The following PARD3B variants were observed in gnomAD, a reference collection of about 807,000 sequenced individuals.
PARD3B encodes partitioning defective 3 homolog B.
Under a neutral mutation model 130.2 loss-of-function variants are expected in PARD3B, and 103 were observed. The ratio of observed to expected loss-of-function variants is 0.79; its 90% CI spans 0.67 to 0.93. The LOEUF is 0.93. Among genes scored for constraint, PARD3B ranks in the 40% least tolerant of loss-of-function variants. The pLI, the probability that PARD3B is intolerant of heterozygous loss-of-function variation, is 0.00. For synonymous variants in PARD3B, 583 were observed against 553.2 expected (o/e 1.05, Z -0.76); for missense variants, 1,609 against 1,499.2 (o/e 1.07, Z -1.21).
intron 14 of PARD3B, among the ~76,000 whole-genome samples, chr2:205,192,203 G>A (rs954713047): frequency 2.6e-5 from 4 of 152,128 alleles, no homozygotes; most frequent in African/African-American, 4.8e-5. Flanking sequence ...AGATTCTCTT[G>A]TACATTTTAG....
At chr2:205,169,076 C>G (rs2035000096) in intron 11 of PARD3B, among the ~76,000 whole-genome samples, 1 of 152,116 alleles carries the variant, frequency 6.6e-6, no homozygotes, top group Non-Finnish European at 1.5e-5. Flanking sequence ...CTCTAAGGAC[C>G]CTTCCAGCTC....
At chr2:204,597,317 A>T (rs2125101356) in intron 1 of PARD3B, among the ~76,000 whole-genome samples, 1 of 152,172 alleles carries the variant, frequency 6.6e-6, no homozygotes, top group Admixed American at 6.5e-5. Context: ...ATTCTCACAA[A>T]TCCTCACTAA....
chr2:204,779,577 A>G (rs2041765767), intron 2 of PARD3B, among the ~76,000 whole-genome samples: 1 of 152,180 alleles, frequency 6.6e-6, no homozygotes, highest in South Asian at 2.1e-4. Flanking sequence ...GAAACTCTAG[A>G]AAACTGAAGA....
chr2:204,931,097 A>T (rs56674121), intron 2 of PARD3B, among the ~76,000 whole-genome samples: 1 of 152,060 alleles, frequency 6.6e-6, no homozygotes, highest in Non-Finnish European at 1.5e-5. Flanking sequence ...TAGGTTTAAT[A>T]TAGAAAAAAA....
At position 205,615,608 on chromosome 2, in the gene PARD3B, G is replaced by A. The variant is rs201703766; in HGVS notation, c.3413G>A (p.Arg1138Gln). 64 of 1,613,808 alleles carry A rather than the reference G, an allele frequency of 4.0e-5. No individual in the cohort carries two copies. The highest frequency in any genetic ancestry group is 4.5e-5 in the Non-Finnish European group (53 of 1,179,936). Residue 1138 changes from arginine (R) to glutamine (Q), a missense_variant, in exon 23 of 23, where the codon CGG becomes CAG. Transcript: ENST00000406610. ...ACAGAGCTCAGGGTGGCAGATCTCCGGTATCCTCAGCACTACCCACCCCCG... is the reference window on the plus strand; with the variant it reads ...ACAGAGCTCAGGGTGGCAGATCTCCAGTATCCTCAGCACTACCCACCCCCG... ...RPTELRVADLRYPQHYPPPPA... is the reference protein window; with the variant it reads ...RPTELRVADLQYPQHYPPPPA...
At chr2:205,036,295 A>G (rs1212758001) in intron 3 of PARD3B, among the ~76,000 whole-genome samples, 1 of 147,294 alleles carries the variant, frequency 6.8e-6, no homozygotes, top group Non-Finnish European at 1.5e-5. Flanking sequence ...ATAGTGGGCT[A>G]TATATATAAA....
rs1409576740 is a variant in PARD3B, at chr2:205,060,988, T to C, written c.504+13298T>C. Among the ~76,000 whole-genome samples, 4 of 152,172 alleles carry C rather than the reference T, an allele frequency of 2.6e-5. 1 individual carries two copies. Among genetic ancestry groups the C allele is most frequent in the African/African-American group, 4.8e-5 (2 of 41,540 alleles). On this transcript the variant is annotated intron_variant, in intron 4 of 22. Coordinates refer to ENST00000406610, the MANE Select transcript of PARD3B (RefSeq NM_001302769.2). ...GGGAAGCTTCAAGGGACTTTAGTGG[T>C]TGGAGCTTGACCAAATGAAGTTGTG... is the stretch of plus-strand genomic sequence containing the variant.
chr2:205,482,126 A>G (rs1050814891), intron 20 of PARD3B, among the ~76,000 whole-genome samples: 1 of 152,190 alleles, frequency 6.6e-6, no homozygotes, highest in Non-Finnish European at 1.5e-5. Flanking sequence ...AATGCGAGGG[A>G]ATAGGATAAT....
chr2:204,661,852 T>C (rs948278377), intron 1 of PARD3B, among the ~76,000 whole-genome samples: 6 of 151,744 alleles, frequency 4.0e-5, no homozygotes, highest in African/African-American at 1.5e-4. Flanking sequence ...TGGATTCTTA[T>C]ATCTCCTTCT....
At chr2:204,608,200 G>A (rs1038948867) in intron 1 of PARD3B, among the ~76,000 whole-genome samples, 1 of 152,138 alleles carries the variant, frequency 6.6e-6, no homozygotes, top group South Asian at 2.1e-4. Flanking sequence ...ACAGGCTTGT[G>A]GATTTAAAAA....
At chr2:205,362,364 A>G (rs1387143611) in intron 18 of PARD3B, among the ~76,000 whole-genome samples, 1 of 152,200 alleles carries the variant, frequency 6.6e-6, no homozygotes, top group African/African-American at 2.4e-5. Context: ...CATGTTCAAT[A>G]GGTTCTGCAA....
intron 2 of PARD3B, among the ~76,000 whole-genome samples, chr2:204,796,381 C>T (rs996765282): frequency 2.6e-5 from 4 of 152,218 alleles, no homozygotes; most frequent in Non-Finnish European, 4.4e-5. Flanking sequence ...ATTGATCTCA[C>T]TTGGAAAATG....
At chr2:205,086,829 A>C (rs1337380696) in intron 4 of PARD3B, among the ~76,000 whole-genome samples, 1 of 152,252 alleles carries the variant, frequency 6.6e-6, no homozygotes, top group Admixed American at 6.5e-5. Flanking sequence ...ACTCATCTGC[A>C]TATCCAGCCC....
At chr2:205,272,401 C>A (rs1372121256) in intron 16 of PARD3B, among the ~76,000 whole-genome samples, 3 of 152,076 alleles carry the variant, frequency 2.0e-5, no homozygotes, top group Non-Finnish European at 4.4e-5. Flanking sequence ...AAATAAGAAG[C>A]ACTAATAGCT....
At chr2:204,806,759 C>A (rs1309945456) in intron 2 of PARD3B, among the ~76,000 whole-genome samples, 1 of 152,012 alleles carries the variant, frequency 6.6e-6, no homozygotes, top group Admixed American at 6.6e-5. Context: ...GGATTAAGAA[C>A]CAGAATGTAT....
intron 1 of PARD3B, among the ~76,000 whole-genome samples, chr2:204,564,619 A>G (rs1050140449): frequency 6.6e-6 from 1 of 152,222 alleles, no homozygotes; most frequent in African/African-American, 2.4e-5. Flanking sequence ...TAGGAAAAAT[A>G]ACTACAAAAC....
intron 22 of PARD3B, 22 bp from the exon 23 acceptor site, chr2:205,615,434 G>T (rs1452947749): frequency 1.3e-6 from 2 of 1,556,746 alleles, no homozygotes; most frequent in Admixed American, 3.8e-5. Context: ...CTGCTAACAT[G>T]TGTCTCTTCT....
chr2:205,306,425 A>G (rs1030713832), intron 18 of PARD3B, among the ~76,000 whole-genome samples: 54 of 152,216 alleles, frequency 3.5e-4, no homozygotes, highest in African/African-American at 1.2e-3. Context: ...ATATTTAACT[A>G]AAATAGTCTG....
chr2:204,730,374 T>C (rs570284536), intron 2 of PARD3B, among the ~76,000 whole-genome samples: 3 of 152,106 alleles, frequency 2.0e-5, no homozygotes, highest in African/African-American at 4.8e-5. Flanking sequence ...CAGCCTTACA[T>C]AGTTAATTTC....
Sources: gnomAD v4.1 joint callset for allele counts (sites outside exome capture counted in the v4.1 genomes callset) on GRCh38, gnomAD v4.1.1 for gene constraint, MANE v1.5 for transcripts, NCBI Gene and HGNC (gene_info 2026-07-23, HGNC 2026-07-21) for gene names.